Variants in BNC2 observed in about 807,000 individuals in gnomAD.
BNC2 encodes zinc finger protein basonuclin-2.
A neutral mutation model predicts 76.3 loss-of-function variants in BNC2; 20 were observed. The ratio of observed to expected loss-of-function variants is 0.26; its 90% confidence interval spans 0.18 to 0.38. The LOEUF (loss-of-function observed/expected upper bound fraction) is 0.38, where lower values mean the gene tolerates loss of function less well. Ranked by LOEUF, BNC2 falls within the 10% of genes least tolerant of loss-of-function variation. The probability of loss-of-function intolerance (pLI) is 1.00; values close to 1 mark genes in which losing one functional copy is unlikely to be tolerated. For missense variants in BNC2, 1,382 were observed against 1,399.8 expected (o/e 0.99, Z 0.20); for synonymous variants, 582 against 514.8 (o/e 1.13, Z -1.77).
intron 1 of BNC2, among the ~76,000 whole-genome samples, chr9:16,743,439 C>G (rs1440176695): frequency 6.6e-6 from 1 of 152,140 alleles, no homozygotes; most frequent in Non-Finnish European, 1.5e-5. Context: ...AGAATGTATT[C>G]TAGGCCTTCA....
At position 16,419,337 on chromosome 9, in the gene BNC2, G is replaced by A. The variant is rs368842595; in HGVS notation, c.2952C>T (p.Ser984=). 5.6e-6 allele frequency: 9 copies of A among 1,611,804 alleles called. No homozygotes were observed. The highest frequency in any genetic ancestry group is 1.7e-5 in the Admixed American group (1 of 59,866). Residue 984 remains serine (S), a synonymous_variant, in exon 7 of 7, where the codon AGC becomes AGT. Transcript: ENST00000380672. ...TGTCATCGAGAAGAATCCCCTCATCGCTGCCTGCGTCGGATTCTCTGGAGG... is the reference window on the plus strand; with the variant it reads ...TGTCATCGAGAAGAATCCCCTCATCACTGCCTGCGTCGGATTCTCTGGAGG... ...IHSSRESDAG[S]DEGILLDDID...
intron 1 of BNC2, among the ~76,000 whole-genome samples, chr9:16,766,666 C>A (rs1476546232): frequency 1.3e-5 from 2 of 152,162 alleles, no homozygotes; most frequent in Non-Finnish European, 2.9e-5. Flanking sequence ...TTCTCCAGAC[C>A]ACAAAAATTA....
intron 1 of BNC2, among the ~76,000 whole-genome samples, chr9:16,837,304 G>C (rs192937885): frequency 6.6e-6 from 1 of 152,114 alleles, no homozygotes; most frequent in African/African-American, 2.4e-5. Context: ...AGGCATTCGA[G>C]ACCAGCCTGG....
chr9:16,482,364 C>T (rs1285977510), intron 5 of BNC2, among the ~76,000 whole-genome samples: 5 of 151,892 alleles, frequency 3.3e-5, no homozygotes, highest in Non-Finnish European at 5.9e-5. Flanking sequence ...TCCCTGTTGG[C>T]TATTATATCC....
intron 1 of BNC2, among the ~76,000 whole-genome samples, chr9:16,813,388 C>T (rs973213065): frequency 5.9e-5 from 9 of 151,738 alleles, no homozygotes; most frequent in African/African-American, 2.2e-4. Flanking sequence ...GCCTCAGCCT[C>T]CCGAGTAGCT....
At position 16,859,455 on chromosome 9, in the gene BNC2, C is replaced by T. The variant is rs537728246; in HGVS notation, c.3+11191G>A. 2.6e-5 allele frequency among the ~76,000 whole-genome samples: 4 copies of T among 152,270 alleles called. No homozygotes were observed. The South Asian group carries it at 8.3e-4, about 32-fold the overall frequency. On this transcript the variant is annotated intron_variant, in intron 1 of 6. Transcript: ENST00000380672. ...GGTGGAAAGCAAACTAAATGTCTAT[C>T]TACAGATGAATGGATAAAGAAAATG...
intron 5 of BNC2, among the ~76,000 whole-genome samples, chr9:16,544,645 C>A (rs1419425298): frequency 6.6e-6 from 1 of 151,600 alleles, no homozygotes; most frequent in African/African-American, 2.4e-5. Context: ...CTGGTAAAAC[C>A]CCATCTCCAC....
intron 3 of BNC2, among the ~76,000 whole-genome samples, chr9:16,600,063 C>T (rs1008206626): frequency 9.2e-5 from 14 of 152,138 alleles, no homozygotes; most frequent in South Asian, 6.2e-4. Context: ...ATCTAGACTA[C>T]GGTATGTACT....
intron 1 of BNC2, among the ~76,000 whole-genome samples, chr9:16,782,090 G>T (rs922757620): frequency 6.6e-6 from 1 of 151,946 alleles, no homozygotes; most frequent in South Asian, 2.1e-4. Flanking sequence ...ATCGAGACCA[G>T]CCTGGCCAAC....
intron 3 of BNC2, among the ~76,000 whole-genome samples, chr9:16,671,582 T>C (rs1822479435): frequency 1.3e-5 from 2 of 152,216 alleles, no homozygotes; most frequent in African/African-American, 4.8e-5. Flanking sequence ...GCTCTGGTCC[T>C]ATGCATCACT....
At chr9:16,764,269 C>A (rs1368621193) in intron 1 of BNC2, among the ~76,000 whole-genome samples, 1 of 152,148 alleles carries the variant, frequency 6.6e-6, no homozygotes, top group Admixed American at 6.5e-5. Flanking sequence ...AAACTCCAAA[C>A]AGGCATAAAG....
At chr9:16,735,868 C>T (rs921754357) in intron 2 of BNC2, among the ~76,000 whole-genome samples, 1 of 152,038 alleles carries the variant, frequency 6.6e-6, no homozygotes, top group East Asian at 1.9e-4. Context: ...CTTGCAGCCT[C>T]AGTAAAGGTG....
At chr9:16,765,768 A>G (rs2135416333) in intron 1 of BNC2, among the ~76,000 whole-genome samples, 1 of 150,484 alleles carries the variant, frequency 6.6e-6, no homozygotes, top group East Asian at 2.0e-4. Flanking sequence ...TTAGCACAAC[A>G]GGGCACTCTC....
rs1375701740 is a variant in BNC2, at chr9:16,552,538, T to C, written c.661A>G (p.Ile221Val). The C allele has an allele frequency of 1.3e-5, 21 of 1,613,988 alleles. No homozygotes were observed. The highest frequency in any genetic ancestry group is 1.8e-5 in the Non-Finnish European group (21 of 1,179,990). ...WTLRDYVRGY[I>V]LQDAAGKVLD... ...TCAAGTCCTCTCCCTACCTGAAGGA[T>C]GTATCCTCGGACATAGTCCCGCAGA... Residue 221 changes from isoleucine to valine, a missense_variant, in exon 5 of 7, where the codon ATC (isoleucine) becomes GTC (valine). By Grantham distance (29) the Ile-to-Val change is conservative. Coordinates refer to ENST00000380672, the MANE Select transcript of BNC2 (RefSeq NM_017637.6).
rs536132000 is a variant in BNC2, at chr9:16,813,960, C to T, written c.3+56686G>A. 4.6e-5 allele frequency among the ~76,000 whole-genome samples: 7 copies of T among 152,320 alleles called. No homozygotes were observed. The East Asian group carries it at 1.4e-3, about 29-fold the overall frequency. ...CGAGACTGTTAAAATGACAACTAAT[C>T]TCTGAGACTCCATAACCTCCCCAGA... On this transcript the variant is annotated intron_variant, in intron 1 of 6. Coordinates refer to ENST00000380672, the MANE Select transcript of BNC2 (RefSeq NM_017637.6).
chr9:16,550,818 A>G (rs112103495), intron 5 of BNC2, among the ~76,000 whole-genome samples: 280 of 152,318 alleles, frequency 1.8e-3, no homozygotes, highest in African/African-American at 6.4e-3. Flanking sequence ...TAAAGAAAGG[A>G]CTGTTAGCCA....
intron 3 of BNC2, among the ~76,000 whole-genome samples, chr9:16,660,613 G>A (rs1207795669): frequency 6.6e-6 from 1 of 152,010 alleles, no homozygotes; most frequent in African/African-American, 2.4e-5. Context: ...AGCAGAAAAA[G>A]AGAAAGGACA....
intron 5 of BNC2, among the ~76,000 whole-genome samples, chr9:16,530,691 T>C (rs1406841075): frequency 2.0e-5 from 3 of 152,246 alleles, no homozygotes; most frequent in African/African-American, 7.2e-5. Context: ...GTGTGAAAGA[T>C]TGCACCACAA....
At chr9:16,790,587 G>C (rs111426711) in intron 1 of BNC2, among the ~76,000 whole-genome samples, 5 of 152,258 alleles carry the variant, frequency 3.3e-5, no homozygotes, top group African/African-American at 1.2e-4. Context: ...TCTAAGTTCA[G>C]ACTTGCTTCC....
Sources: allele counts gnomAD v4.1 joint callset (sites outside exome capture counted in the v4.1 genomes callset), GRCh38; gene constraint gnomAD v4.1.1; transcripts MANE v1.5; gene names NCBI Gene and HGNC (gene_info 2026-07-23, HGNC 2026-07-21).